EXOC4: variants seen among roughly 807,000 people sequenced by gnomAD.
EXOC4 encodes SEC8-like 1.
In EXOC4, 71 loss-of-function variants were observed where a neutral mutation model predicts 107.2. The observed-to-expected ratio is 0.66, with a 90% CI of 0.55 to 0.81. The LOEUF (loss-of-function observed/expected upper bound fraction) is 0.81. Among genes scored for constraint, EXOC4 ranks in the 30% least tolerant of loss-of-function variants. The pLI is 0.00. For missense variants in EXOC4, 1,108 were observed against 1,189.6 expected (o/e 0.93, Z 1.01); for synonymous variants, 456 against 441.2 (o/e 1.03, Z -0.42).
chr7:134,070,244 ATAAT>A (rs1191052927), downstream of EXOC4, among the ~76,000 whole-genome samples: 1 of 152,228 alleles, frequency 6.6e-6, no homozygotes, highest in Admixed American at 6.5e-5. Flanking sequence ...TAAGAAGTAC[ATAAT>A]TAATAAGCGT....
chr7:133,621,031 T>G (rs547965188), intron 9 of EXOC4, among the ~76,000 whole-genome samples: 2 of 152,200 alleles, frequency 1.3e-5, no homozygotes, highest in Non-Finnish European at 2.9e-5. Flanking sequence ...TTGCTCTTCC[T>G]AGAACATGCC....
rs532967263 is a variant in EXOC4 at position 133,852,205 on chromosome 7, A to G, written c.1734+34661A>G. Among the ~76,000 whole-genome samples the G allele has an allele frequency of 4.6e-5, 7 of 150,570 alleles. No homozygotes were observed. The South Asian group carries it at 1.3e-3, about 27-fold the overall frequency. ...ATAAATTTTTTATTCAAAGTTGGCA[A>G]TAAAGTCATTGTATAGAGCATTTTT... On this transcript the variant is annotated intron_variant, in intron 11 of 17. Coordinates refer to ENST00000253861, the MANE Select transcript of EXOC4 (RefSeq NM_021807.4).
intron 9 of EXOC4, among the ~76,000 whole-genome samples, chr7:133,571,432 TGA>T (rs1298446681): frequency 6.6e-6 from 1 of 152,198 alleles, no homozygotes; most frequent in Non-Finnish European, 1.5e-5. Flanking sequence ...CCCAGCATTT[TGA>T]GAGTCTGAGG....
chr7:133,753,821 GGACTCAGAACTTTA>G (rs1795843734), intron 10 of EXOC4, among the ~76,000 whole-genome samples: 1 of 152,176 alleles, frequency 6.6e-6, no homozygotes, highest in Non-Finnish European at 1.5e-5. Flanking sequence ...GTTTTACAGA[GGACTCAGAACTTTA>G]GACTTTATGG....
chr7:134,062,241 T>G (rs1310150555), intron 17 of EXOC4, among the ~76,000 whole-genome samples: 1 of 152,194 alleles, frequency 6.6e-6, no homozygotes, highest in African/African-American at 2.4e-5. Context: ...CAAAAGATTA[T>G]TCTCTCCCCT....
intron 17 of EXOC4, among the ~76,000 whole-genome samples, chr7:134,037,860 C>G (rs2116512000): frequency 6.6e-6 from 1 of 152,194 alleles, no homozygotes; most frequent in South Asian, 2.1e-4. Context: ...TAAAAAGGAC[C>G]TTTTTTCTTT....
At chr7:133,982,698 A>G (rs1794019749) in intron 14 of EXOC4, among the ~76,000 whole-genome samples, 1 of 152,198 alleles carries the variant, frequency 6.6e-6, no homozygotes, top group Non-Finnish European at 1.5e-5. Flanking sequence ...TAATCATCAG[A>G]ATCCTATGGG....
chr7:133,884,779 CT>C (rs1799045923), intron 11 of EXOC4, among the ~76,000 whole-genome samples: 1 of 152,006 alleles, frequency 6.6e-6, no homozygotes, highest in South Asian at 2.1e-4. Flanking sequence ...AGTTGTTTTG[CT>C]TTTGGTTTTG....
chr7:133,363,308 G>A (rs985602922), intron 6 of EXOC4, among the ~76,000 whole-genome samples: 1 of 151,952 alleles, frequency 6.6e-6, no homozygotes, highest in Non-Finnish European at 1.5e-5. Flanking sequence ...TTACATATGG[G>A]ACTTGTTACT....
intron 10 of EXOC4, among the ~76,000 whole-genome samples, chr7:133,701,400 A>G (rs998982257): frequency 3.9e-5 from 6 of 152,206 alleles, no homozygotes; most frequent in African/African-American, 7.2e-5. Context: ...TGTTTAATCA[A>G]CAGTGTTTTA....
At chr7:134,030,086 A>T (rs954954879) in intron 17 of EXOC4, among the ~76,000 whole-genome samples, 2 of 152,244 alleles carry the variant, frequency 1.3e-5, no homozygotes, top group African/African-American at 4.8e-5. Flanking sequence ...CTACAAAGAT[A>T]AAAATATGAT....
At chr7:133,573,095 G>A (rs1801058104) in intron 9 of EXOC4, among the ~76,000 whole-genome samples, 1 of 152,100 alleles carries the variant, frequency 6.6e-6, no homozygotes, top group South Asian at 2.1e-4. Context: ...AAAAGGATGT[G>A]GTCATGTATA....
intron 1 of EXOC4, among the ~76,000 whole-genome samples, chr7:133,259,917 T>G (rs1263106778): frequency 1.3e-5 from 2 of 152,160 alleles, no homozygotes; most frequent in Non-Finnish European, 2.9e-5. Context: ...GCTTGATGAA[T>G]TTTTACCTGT....
chr7:133,580,197 T>C (rs993963399), intron 9 of EXOC4, among the ~76,000 whole-genome samples: 1 of 152,246 alleles, frequency 6.6e-6, no homozygotes, highest in Non-Finnish European at 1.5e-5. Context: ...GTTTATTCAT[T>C]CTTCTATTGA....
At chr7:133,383,446 CT>C (rs1420979588) in intron 7 of EXOC4, among the ~76,000 whole-genome samples, 4 of 152,024 alleles carry the variant, frequency 2.6e-5, no homozygotes, top group African/African-American at 9.7e-5. Context: ...TTTTTAGTGC[CT>C]TGATTTCTTT....
intron 7 of EXOC4, among the ~76,000 whole-genome samples, chr7:133,464,860 C>CCCAGACTG (rs1356770577): frequency 2.7e-5 from 3 of 111,304 alleles, no homozygotes; most frequent in African/African-American, 1.0e-4. Flanking sequence ...CACTCTGTCA[C>CCCAGACTG]CCAGACTGGA....
At position 134,050,428 on chromosome 7, in the gene EXOC4, G is replaced by A. The variant is rs561715135; in HGVS notation, c.2688-13863G>A. 2.0e-5 allele frequency among the ~76,000 whole-genome samples: 3 copies of A among 152,238 alleles called. No individual in the cohort carries two copies. The South Asian group carries it at 6.2e-4, about 32-fold the overall frequency. On this transcript the variant is annotated intron_variant, in intron 17 of 17. Transcript: ENST00000253861. ...TAACTTTCCCAAGTTCACAAAACTA[G>A]TAAGTAAATACCCTAGTAACCTTTT...
chr7:133,988,772 C>T lies in EXOC4; in HGVS notation c.2207-8720C>T, dbSNP rs889212131. On this transcript the variant is annotated intron_variant, in intron 14 of 17. Coordinates refer to ENST00000253861, the MANE Select transcript of EXOC4 (RefSeq NM_021807.4). ...TGCTTTAGACAGGTGGTAAATCAAA[C>T]GGCCCAGGGTTGGAGAGGGGATACG... 5.3e-5 allele frequency among the ~76,000 whole-genome samples: 8 copies of T among 151,980 alleles called. No individual in the cohort carries two copies. The South Asian group carries it at 6.2e-4, about 12-fold the overall frequency.
intron 7 of EXOC4, among the ~76,000 whole-genome samples, chr7:133,403,577 A>T (rs182181082): frequency 6.6e-6 from 1 of 152,330 alleles, no homozygotes. Flanking sequence ...GTGCTAAGGC[A>T]GCTGTATTCT....
Sources: allele counts gnomAD v4.1 joint callset (sites outside exome capture counted in the v4.1 genomes callset), GRCh38; gene constraint gnomAD v4.1.1; transcripts MANE v1.5; gene names NCBI Gene and HGNC (gene_info 2026-07-23, HGNC 2026-07-21).